AGTRAP: variants seen among roughly 807,000 people sequenced by gnomAD.
AGTRAP encodes angiotensin II receptor associated protein, also known as type-1 angiotensin II receptor-associated protein.
AGTRAP carries 7 observed loss-of-function variants against 15.2 expected under a neutral mutation model. That is an observed-to-expected ratio of 0.46 (90% CI 0.26 to 0.87). The LOEUF (loss-of-function observed/expected upper bound fraction) is 0.87, where lower values mean the gene tolerates loss of function less well. Among genes scored for constraint, AGTRAP ranks in the 40% least tolerant of loss-of-function variants. AGTRAP has a pLI of 0.15. For synonymous variants in AGTRAP, 74 were observed against 89.6 expected, an observed-to-expected ratio of 0.83 and a Z score of 0.98; for missense variants, 187 against 213.4, an observed-to-expected ratio of 0.88 and a Z score of 0.77.
intron 1 of AGTRAP, among the ~76,000 whole-genome samples, chr1:11,742,329 A>G (rs756154714): frequency 6.6e-6 from 1 of 152,186 alleles, no homozygotes; most frequent in Non-Finnish European, 1.5e-5. Flanking sequence ...CCTGGCACAT[A>G]GTTGGTGTGT....
In AGTRAP at chr1:11,748,570, C is replaced by G; in HGVS notation, c.324C>G (p.His108Gln). 2 of 1,611,284 alleles carry G rather than the reference C, an allele frequency of 1.2e-6. No individual in the cohort carries two copies. Among genetic ancestry groups the G allele is most frequent in the Non-Finnish European group, 8.5e-7 (1 of 1,180,004 alleles). Reference protein sequence around the residue: ...LKPLSCCFVYHMYRERGGELL... With the variant: ...LKPLSCCFVYQMYRERGGELL... ...CGCTCTCCTGCTGCTTCGTCTACCA[C>G]ATGTACCGGGAGCGCGGGGGTGAGC... The change falls in exon 4 of 5, where the codon CAC becomes CAG. Residue 108 changes from histidine to glutamine, a missense_variant. Coordinates refer to ENST00000314340, the MANE Select transcript of AGTRAP (RefSeq NM_020350.5).
At position 11,747,497 on chromosome 1, in the gene AGTRAP, G is replaced by C; in HGVS notation, c.120G>C (p.Leu40Phe). 1 of 1,614,168 alleles carries C rather than the reference G, an allele frequency of 6.2e-7. No homozygotes were observed. The highest frequency in any genetic ancestry group is 8.5e-7 in the Non-Finnish European group (1 of 1,180,006). The change falls in exon 3 of 5, where the codon TTG (leucine) becomes TTC (phenylalanine). Residue 40 changes from leucine (L) to phenylalanine (F), a missense_variant. Physicochemically the swap from Leu to Phe is conservative, Grantham distance 22. Transcript: ENST00000314340. ...GGGCCAACTTCACCATCCTGGCCTT[G>C]GGCGTGTGGGCTGTGGCTCAGCGGG... Reference protein sequence around the residue: ...YAWANFTILALGVWAVAQRDS... With the variant: ...YAWANFTILAFGVWAVAQRDS...
chr1:11,746,142 C>T (rs1246596362), intron 2 of AGTRAP: 8 of 1,613,624 alleles, frequency 5.0e-6, no homozygotes, highest in Non-Finnish European at 5.9e-6. Flanking sequence ...GGAGACATTT[C>T]TCTGCCAAAC....
In AGTRAP at chr1:11,745,631, T is replaced by G. The variant is rs1365379821; in HGVS notation, c.28-172T>G. On this transcript the variant is annotated intron_variant, in intron 1 of 4. Transcript: ENST00000314340. This position sits in a 1 kb window ranked among gnomAD's most constrained non-coding sequence, Gnocchi z 4.2. ...CTGGCCTGGCCTGCTTTCTTCCTCCTCCTTCACTCCTGGGCCACCTGCAGT... is the reference window on the plus strand; with the variant it reads ...CTGGCCTGGCCTGCTTTCTTCCTCCGCCTTCACTCCTGGGCCACCTGCAGT... 1.3e-5 allele frequency among the ~76,000 whole-genome samples: 2 copies of G among 152,186 alleles called. No individual in the cohort carries two copies. The highest frequency in any genetic ancestry group is 2.9e-5 in the Non-Finnish European group (2 of 68,028).
At chr1:11,746,387 G>A (rs1456395931) in intron 2 of AGTRAP, 1 of 627,866 alleles carries the variant, frequency 1.6e-6, no homozygotes, top group Non-Finnish European at 2.8e-6. Context: ...TTTATTCAAA[G>A]ACCTATTGAA....
Position 11,750,138 on chromosome 1 carries a change from C to T in AGTRAP, c.426C>T (p.Pro142=), listed in dbSNP as rs563810058. The T allele has an allele frequency of 9.9e-6, 16 of 1,613,956 alleles. No homozygotes were observed. The highest frequency in any genetic ancestry group is 5.3e-5 in the African/African-American group (4 of 74,914). Residue 142 remains proline, a synonymous_variant, in exon 5 of 5, where the codon CCC becomes CCT. Coordinates refer to ENST00000314340, the MANE Select transcript of AGTRAP (RefSeq NM_020350.5). ...AGACGATTGACTCAGCAGAGGCGCC[C>T]GCAGATCCCTTTGCAGTCCCAGAGG... ...AYQTIDSAEA[P]ADPFAVPEGR... is the part of the protein sequence containing the mutation.
chr1:11,738,332 A>C (rs1641948506), intron 1 of AGTRAP, among the ~76,000 whole-genome samples: 1 of 152,194 alleles, frequency 6.6e-6, no homozygotes, highest in South Asian at 2.1e-4. Context: ...CTTTGCACAA[A>C]GGGCAGCTCC....
In AGTRAP at chr1:11,750,365, A is replaced by G. The variant is rs940488119; in HGVS notation, c.*173A>G. 4.4e-6 allele frequency: 3 copies of G among 674,684 alleles called. No homozygotes were observed. Among genetic ancestry groups the G allele is most frequent in the East Asian group, 2.7e-5 (1 of 36,744 alleles). The allele number at this position is 674,684 out of a possible 1,614,324, so 41.8% of individuals were successfully genotyped here. On this transcript the variant is annotated 3_prime_UTR_variant, in exon 5 of 5. Transcript: ENST00000314340. ...CCATGGGCCGCCCAGTACCATGCAC[A>G]CTCCTGTCCCGAACTCCCTGAGGCC...
rs770017595 is a variant in AGTRAP, at chr1:11,747,528, A to T, written c.151A>T (p.Ile51Phe). 33 of 1,613,908 alleles carry T rather than the reference A, an allele frequency of 2.0e-5. No homozygotes were observed. The highest frequency in any genetic ancestry group is 3.3e-4 in the Middle Eastern group (2 of 6,068). The change falls in exon 3 of 5, where the codon ATC becomes TTC. Residue 51 changes from isoleucine (I) to phenylalanine (F), a missense_variant. Coordinates refer to ENST00000314340, the MANE Select transcript of AGTRAP (RefSeq NM_020350.5). ...GTGGGCTGTGGCTCAGCGGGACTCC[A>T]TCGACGCCATAAGCATGGTGAGCCA... is the stretch of plus-strand genomic sequence containing the variant. The part of the protein sequence containing the change: ...GVWAVAQRDS[I>F]DAISMFLGGL...
At position 11,750,172 on chromosome 1, in the gene AGTRAP, CAA is replaced by C; in HGVS notation, c.461_462del (p.Gln154ArgfsTer27). 1 of 1,613,638 alleles carries C rather than the reference CAA, an allele frequency of 6.2e-7. No homozygotes were observed. Among genetic ancestry groups the C allele is most frequent in the Non-Finnish European group, 8.5e-7 (1 of 1,179,918 alleles). On this transcript the variant is annotated frameshift_variant, in exon 5 of 5. Transcript: ENST00000314340. LOFTEE classifies it high-confidence loss of function. The stretch of plus-strand genomic sequence containing the variant: ...CTTTGCAGTCCCAGAGGGCAGGAGT[CAA>C]GATGCCCGAGGGTACTGAAGCCAGC... The part of the protein sequence containing the change: ...DPFAVPEGRS[Q>X]DARGY
At position 11,750,490 on chromosome 1, in the gene AGTRAP, C is replaced by T. The variant is rs1269365620; in HGVS notation, c.*298C>T. ...CACCACAGAGGCCCTCAGCCGAGTC[C>T]TGCCTGAGTGTTGCAAGCTCAGGCC... On this transcript the variant is annotated 3_prime_UTR_variant, in exon 5 of 5. Transcript: ENST00000314340. 1.4e-5 allele frequency: 8 copies of T among 588,466 alleles called. No individual in the cohort carries two copies. The highest frequency in any genetic ancestry group is 2.4e-5 in the Non-Finnish European group (8 of 330,228). The allele number at this position is 588,466 out of a possible 1,614,324, so 36.5% of individuals were successfully genotyped here.
At position 11,736,159 on chromosome 1, in the gene AGTRAP, C is replaced by T. The variant is rs1557699815; in HGVS notation, c.-50C>T. 1.3e-6 allele frequency: 2 copies of T among 1,577,218 alleles called. No individual in the cohort carries two copies. Among genetic ancestry groups the T allele is most frequent in the South Asian group, 1.2e-5 (1 of 86,336 alleles). On this transcript the variant is annotated 5_prime_UTR_variant, in exon 1 of 5. Coordinates refer to ENST00000314340, the MANE Select transcript of AGTRAP (RefSeq NM_020350.5). ...GCAAGTTTGTTCCCCGAGTTCGGAG[C>T]CTAGGAGCCCCCCGCGGCTGCGGCG...
chr1:11,742,402 T>G (rs1642053000), intron 1 of AGTRAP, among the ~76,000 whole-genome samples: 1 of 152,258 alleles, frequency 6.6e-6, no homozygotes, highest in East Asian at 1.9e-4. Flanking sequence ...TTGTCTGTCT[T>G]TCTTTTCTGT....
intron 1 of AGTRAP, among the ~76,000 whole-genome samples, chr1:11,740,743 C>T (rs915866687): frequency 2.0e-5 from 3 of 152,214 alleles, no homozygotes; most frequent in Non-Finnish European, 4.4e-5. Context: ...TAAAGACCTA[C>T]TCTGTGTACA....
chr1:11,744,016 C>T (rs1465184758), intron 1 of AGTRAP, among the ~76,000 whole-genome samples: 12 of 152,086 alleles, frequency 7.9e-5, no homozygotes, highest in Non-Finnish European at 1.6e-4. Context: ...TGGCTCCTGC[C>T]TGTAATCCCA....
Position 11,736,183 on chromosome 1 carries a change from C to T in AGTRAP, c.-26C>T, listed in dbSNP as rs6668392. 46,431 of 1,597,490 alleles carry T rather than the reference C, an allele frequency of 0.029. 801 individuals carry two copies. Among genetic ancestry groups the T allele is most frequent in the Non-Finnish European group, 0.034 (39,317 of 1,173,270 alleles). On this transcript the variant is annotated 5_prime_UTR_variant, in exon 1 of 5. Coordinates refer to ENST00000314340, the MANE Select transcript of AGTRAP (RefSeq NM_020350.5). ...GCCTAGGAGCCCCCCGCGGCTGCGG[C>T]GCAGGTGCCCTCGGCCTGAGTCGGG...
Position 11,745,502 on chromosome 1 carries a change from C to T in AGTRAP, c.28-301C>T, listed in dbSNP as rs1301334719. 6.6e-6 allele frequency among the ~76,000 whole-genome samples: 1 copy of T among 152,188 alleles called. No homozygotes were observed. The highest frequency in any genetic ancestry group is 2.4e-5 in the African/African-American group (1 of 41,440). On this transcript the variant is annotated intron_variant, in intron 1 of 4. Transcript: ENST00000314340. This position sits in a 1 kb window ranked among gnomAD's most constrained non-coding sequence, Gnocchi z 4.2. ...GTTTCAGCCTTATTTTACCCAGCTC[C>T]TATTCAAGATGGAATTGCTCTGGTT...
intron 1 of AGTRAP, among the ~76,000 whole-genome samples, chr1:11,744,898 AG>A (rs1403624707): frequency 3.3e-4 from 51 of 152,330 alleles, no homozygotes; most frequent in African/African-American, 1.1e-3. Flanking sequence ...CTCGTCGCCC[AG>A]GCTGGAGTGC....
At chr1:11,748,286 G>A in intron 3 of AGTRAP, 129 bp from the exon 4 acceptor site, 1 of 1,072,610 alleles carries the variant, frequency 9.3e-7, no homozygotes, top group Non-Finnish European at 1.3e-6. Flanking sequence ...CTGCCTGCTT[G>A]CTTGATCCAT....
Sources: allele counts gnomAD v4.1 joint callset (sites outside exome capture counted in the v4.1 genomes callset), GRCh38; gene constraint gnomAD v4.1.1; non-coding constraint Gnocchi (gnomAD v3.1); transcripts MANE v1.5; gene names NCBI Gene and HGNC (gene_info 2026-07-23, HGNC 2026-07-21).